The following ST6GAL2 variants were observed in gnomAD, a reference collection of about 807,000 sequenced individuals.
ST6GAL2 encodes the protein ST6 beta-galactoside alpha-2,6-sialyltransferase 2, also known as beta-galactoside alpha-2,6-sialyltransferase 2.
ST6GAL2 carries 24 observed loss-of-function variants against 37.5 expected under a neutral mutation model. The observed-to-expected ratio is 0.64, with a 90% CI of 0.46 to 0.90. ST6GAL2 has a LOEUF of 0.90. Among genes scored for constraint, ST6GAL2 ranks in the 40% least tolerant of loss-of-function variants. The pLI, the probability that ST6GAL2 is intolerant of heterozygous loss-of-function variation, is 0.00. For synonymous variants in ST6GAL2, 306 were observed against 295.1 expected (o/e 1.04, Z -0.38); for missense variants, 715 against 712.7 (o/e 1.00, Z -0.04).
intron 1 of ST6GAL2, among the ~76,000 whole-genome samples, chr2:106,857,027 A>G (rs1677601293): frequency 6.6e-6 from 1 of 152,232 alleles, no homozygotes; most frequent in South Asian, 2.1e-4. Context: ...TGAAAGTCAT[A>G]GACAGGTAAG....
intron 1 of ST6GAL2, among the ~76,000 whole-genome samples, chr2:106,870,394 C>T (rs1678215006): frequency 6.6e-6 from 1 of 151,962 alleles, no homozygotes; most frequent in Non-Finnish European, 1.5e-5. Context: ...ACAGGTAAAC[C>T]CAGGCCACTT....
chr2:106,825,707 A>C (rs1354079548), intron 5 of ST6GAL2, among the ~76,000 whole-genome samples: 1 of 152,194 alleles, frequency 6.6e-6, no homozygotes, highest in Non-Finnish European at 1.5e-5. Flanking sequence ...TCCTTGATGC[A>C]TCCTTTTCTT....
chr2:106,884,649 T>A (rs1678886437), intron 1 of ST6GAL2, among the ~76,000 whole-genome samples: 1 of 152,026 alleles, frequency 6.6e-6, no homozygotes, highest in Non-Finnish European at 1.5e-5. Context: ...TTGGATAGAG[T>A]GCCTTTTTAA....
chr2:106,868,703 C>A (rs1678137487), intron 1 of ST6GAL2, among the ~76,000 whole-genome samples: 1 of 152,170 alleles, frequency 6.6e-6, no homozygotes, highest in South Asian at 2.1e-4. Context: ...GGAGAGAATC[C>A]AGTATGACAA....
chr2:106,824,403 T>C (rs1256320639), intron 5 of ST6GAL2, among the ~76,000 whole-genome samples: 1 of 152,094 alleles, frequency 6.6e-6, no homozygotes, highest in Non-Finnish European at 1.5e-5. Context: ...GAGGCCAAGG[T>C]AGGCTGTTCA....
intron 1 of ST6GAL2, among the ~76,000 whole-genome samples, chr2:106,874,058 T>C (rs139664362): frequency 6.6e-6 from 1 of 152,308 alleles, no homozygotes; most frequent in East Asian, 1.9e-4. Flanking sequence ...CATAGATTTA[T>C]GAAGAACCTC....
In ST6GAL2 at chr2:106,806,841, G is replaced by A; in HGVS notation, c.1427C>T (p.Ala476Val). 6.2e-7 allele frequency: 1 copy of A among 1,614,158 alleles called. No homozygotes were observed. The highest frequency in any genetic ancestry group is 8.5e-7 in the Non-Finnish European group (1 of 1,180,048). Residue 476 changes from alanine (A) to valine (V), a missense_variant, in exon 6 of 6, where the codon GCC (alanine) becomes GTC (valine). Physicochemically the swap from Ala to Val is moderately conservative, Grantham distance 64 (BLOSUM62 0). Around this residue, in one of 3 missense-constraint regions of ST6GAL2, gnomAD observed 198 missense variants for 203.6 expected, o/e 0.97. Transcript: ENST00000409382. ...TGGGTGGTACGCCCCGAGGGTGCAG[G>A]CTGCGTCGTAGTACAGCTCGTGGTA... ...CHYHELYYDAACTLGAYHPLL... is the reference protein window; with the variant it reads ...CHYHELYYDAVCTLGAYHPLL...
intron 2 of ST6GAL2, among the ~76,000 whole-genome samples, chr2:106,836,114 G>A (rs1329543175): frequency 6.6e-6 from 1 of 152,068 alleles, no homozygotes; most frequent in Non-Finnish European, 1.5e-5. Flanking sequence ...TTTTAAAACA[G>A]CTTTTTTTCA....
chr2:106,864,424 T>C (rs1041604379), intron 1 of ST6GAL2, among the ~76,000 whole-genome samples: 2 of 152,208 alleles, frequency 1.3e-5, no homozygotes, highest in East Asian at 1.9e-4. Flanking sequence ...GATGTACAAA[T>C]ACTTGAATGA....
Position 106,806,695 on chromosome 2 carries a change from C to T in ST6GAL2, c.1573G>A (p.Val525Ile). Residue 525 changes from valine to isoleucine, a missense_variant, in exon 6 of 6, where the codon GTC (valine) becomes ATC (isoleucine). By Grantham distance (29) the Val-to-Ile change is conservative. This residue lies in a region of ST6GAL2 where 198 missense variants were observed against 203.6 expected (regional missense o/e 0.97). Transcript: ENST00000409382. ...QAVHCPAPSP[V>I]IPHS Reference sequence around the variant, plus strand: ...AACCCTTTTTAAGAGTGTGGAATGACTGGACTTGGTGCAGGGCAGTGCACC... The same window carrying T: ...AACCCTTTTTAAGAGTGTGGAATGATTGGACTTGGTGCAGGGCAGTGCACC... 1 of 1,614,034 alleles carries T rather than the reference C, an allele frequency of 6.2e-7. No individual in the cohort carries two copies. The highest frequency in any genetic ancestry group is 1.7e-5 in the Admixed American group (1 of 60,016).
chr2:106,834,008 C>G, intron 3 of ST6GAL2, 41 bp downstream of exon 3: 1 of 1,475,074 alleles, frequency 6.8e-7, no homozygotes, highest in Non-Finnish European at 9.5e-7. Context: ...CCAGTTAAAC[C>G]TAAGAAACAT....
chr2:106,811,215 C>T (rs573191704), intron 5 of ST6GAL2, among the ~76,000 whole-genome samples: 64 of 152,160 alleles, frequency 4.2e-4, no homozygotes, highest in African/African-American at 1.5e-3. Context: ...AAATTTGATT[C>T]CATCTACATA....
In ST6GAL2 at chr2:106,843,583, A is replaced by G. The variant is rs766445580; in HGVS notation, c.395T>C (p.Phe132Ser). Residue 132 changes from phenylalanine to serine, a missense_variant, in exon 2 of 6, where the codon TTT (phenylalanine) becomes TCT (serine). This residue lies in a region of ST6GAL2 where 512 missense variants were observed against 488.8 expected (regional missense o/e 1.05). Coordinates refer to ENST00000409382, the MANE Select transcript of ST6GAL2 (RefSeq NM_001142351.2). ...SAFYPEDDDY[F>S]FAAGQPGWHS... ...CCACCCTGGCTGACCAGCAGCAAAA[A>G]AGTAGTCGTCATCCTCCGGGTAGAA... The G allele has an allele frequency of 4.3e-5, 70 of 1,613,840 alleles. No individual in the cohort carries two copies. The highest frequency in any genetic ancestry group is 5.8e-5 in the Non-Finnish European group (68 of 1,180,006).
Position 106,806,480 on chromosome 2 carries a change from T to A in ST6GAL2, c.*198A>T, listed in dbSNP as rs1404083492. On this transcript the variant is annotated 3_prime_UTR_variant, in exon 6 of 6. Coordinates refer to ENST00000409382, the MANE Select transcript of ST6GAL2 (RefSeq NM_001142351.2). ...TTGCATCTTTCTTGAGCCTTATTTT[T>A]TTAAAAAAACCATTTCTATGTTCAA... is the stretch of plus-strand genomic sequence containing the variant. 1 of 628,716 alleles carries A rather than the reference T, an allele frequency of 1.6e-6. No individual in the cohort carries two copies. Among genetic ancestry groups the A allele is most frequent in the African/African-American group, 1.8e-5 (1 of 54,602 alleles). The allele number at this position is 628,716 out of a possible 1,614,324, so 38.9% of individuals were successfully genotyped here.
chr2:106,843,387 G>A lies in ST6GAL2; in HGVS notation c.591C>T (p.Ser197=), dbSNP rs1185023016. ...EEGDDGDRLY[S]SMSRAFLYRL... ...GGTACAGGAAGGCCCTGGACATGGA[G>A]GAGTACAGCCTGTCGCCGTCGTCGC... The change falls in exon 2 of 6, where the codon TCC becomes TCT. Residue 197 remains serine (S), a synonymous_variant. Coordinates refer to ENST00000409382, the MANE Select transcript of ST6GAL2 (RefSeq NM_001142351.2). 3.1e-6 allele frequency: 5 copies of A among 1,613,954 alleles called. No homozygotes were observed. The highest frequency in any genetic ancestry group is 4.5e-5 in the East Asian group (2 of 44,862).
intron 1 of ST6GAL2, among the ~76,000 whole-genome samples, chr2:106,878,149 T>C (rs1678585406): frequency 6.6e-6 from 1 of 152,128 alleles, no homozygotes. Context: ...TAAATACGAA[T>C]ACAACAATAA....
At chr2:106,885,630 C>A (rs1360158276) in intron 1 of ST6GAL2, among the ~76,000 whole-genome samples, 4 of 152,094 alleles carry the variant, frequency 2.6e-5, no homozygotes, top group African/African-American at 9.7e-5. Flanking sequence ...TCCGTAACAC[C>A]GCGGAAAGTA....
chr2:106,873,503 A>C (rs1470561372), intron 1 of ST6GAL2, among the ~76,000 whole-genome samples: 2 of 152,222 alleles, frequency 1.3e-5, no homozygotes, highest in East Asian at 3.8e-4. Context: ...ATATAGTTCT[A>C]ATTGTAGGAT....
chr2:106,822,220 C>A (rs935736644), intron 5 of ST6GAL2, among the ~76,000 whole-genome samples: 1 of 152,066 alleles, frequency 6.6e-6, no homozygotes, highest in Admixed American at 6.6e-5. Context: ...GTCAAATGAT[C>A]CTTGTTTGCA....
Sources: gnomAD v4.1 joint callset for allele counts (sites outside exome capture counted in the v4.1 genomes callset) on GRCh38, gnomAD v4.1.1 for gene constraint, gnomAD v4.1.1 regional missense constraint, MANE v1.5 for transcripts, NCBI Gene and HGNC (gene_info 2026-07-23, HGNC 2026-07-21) for gene names.